Variants in TERB2 observed in about 807,000 individuals in gnomAD.
TERB2 encodes the protein telomere repeat binding bouquet formation protein 2.
A neutral mutation model predicts 29.8 loss-of-function variants in TERB2; 26 were observed. The observed-to-expected ratio is 0.87, with a 90% CI of 0.64 to 1.21. TERB2 has a LOEUF of 1.21. Among genes scored for constraint, TERB2 ranks in the 50% most tolerant of loss-of-function variants. The probability of loss-of-function intolerance (pLI) is 0.00; values close to 1 mark genes in which losing one functional copy is unlikely to be tolerated. For synonymous variants in TERB2, 80 were observed against 90.8 expected (o/e 0.88, Z 0.68); for missense variants, 240 against 268.6 (o/e 0.89, Z 0.74).
chr15:44,978,395 T>C (rs1892075169), intron 6 of TERB2, 94 bp from the exon 7 acceptor site: 1 of 1,340,764 alleles, frequency 7.5e-7, no homozygotes, highest in Admixed American at 2.9e-5. Flanking sequence ...AAACATTCTT[T>C]AGAAGTCTTA....
chr15:44,972,586 G>A (rs554447055), intron 5 of TERB2, among the ~76,000 whole-genome samples: 9 of 149,770 alleles, frequency 6.0e-5, no homozygotes, highest in Middle Eastern at 3.5e-3. Flanking sequence ...CGCCATCTCA[G>A]CTCACTGCAA....
chr15:44,979,060 G>A lies in TERB2; in HGVS notation c.*432G>A, dbSNP rs962362254. On this transcript the variant is annotated 3_prime_UTR_variant, in exon 7 of 7. Coordinates refer to ENST00000340827, the MANE Select transcript of TERB2 (RefSeq NM_152448.3). ...TTTTTCTAGATTGAATACTGTGAATGCTAAGTTTTATTAATCTGGTCATCT... is the reference window on the plus strand; with the variant it reads ...TTTTTCTAGATTGAATACTGTGAATACTAAGTTTTATTAATCTGGTCATCT... 3.3e-5 allele frequency: 5 copies of A among 152,008 alleles called. No homozygotes were observed. Among genetic ancestry groups the A allele is most frequent in the African/African-American group, 1.2e-4 (5 of 41,376 alleles). 9.4% of individuals were successfully genotyped at this position (152,008 alleles called of 1,614,324 possible).
Position 44,978,688 on chromosome 15 carries a change from T to C in TERB2, c.*60T>C. ...CTATAAAATATTATACAGATGTGCA[T>C]ATCATAAAATGCTCCCTTTTGGTAC... On this transcript the variant is annotated 3_prime_UTR_variant, in exon 7 of 7. Coordinates refer to ENST00000340827, the MANE Select transcript of TERB2 (RefSeq NM_152448.3). 7.1e-7 allele frequency: 1 copy of C among 1,405,778 alleles called. No individual in the cohort carries two copies. The highest frequency in any genetic ancestry group is 9.3e-7 in the Non-Finnish European group (1 of 1,070,860). The allele number at this position is 1,405,778 out of a possible 1,614,324, so 87.1% of individuals were successfully genotyped here.
rs940997392 is a variant in TERB2, at chr15:44,970,896, T to C, written c.435-2971T>C. 3 of 154,336 alleles carry C rather than the reference T, an allele frequency of 1.9e-5. No individual in the cohort carries two copies. In the Admixed American group the frequency reaches 2.0e-4, roughly 10 times the overall value. 9.6% of individuals were successfully genotyped at this position (154,336 alleles called of 1,614,324 possible). On this transcript the variant is annotated intron_variant, in intron 5 of 6. Coordinates refer to ENST00000340827, the MANE Select transcript of TERB2 (RefSeq NM_152448.3). ...TCATCTCTCAATGCAAATCTTTCAATATACAGAATAGGCCTTATTTACTTG... is the reference window on the plus strand; with the variant it reads ...TCATCTCTCAATGCAAATCTTTCAACATACAGAATAGGCCTTATTTACTTG...
chr15:44,956,701 C>A lies in TERB2; in HGVS notation c.-18C>A, dbSNP rs756718010. 2 of 1,591,794 alleles carry A rather than the reference C, an allele frequency of 1.3e-6. No individual in the cohort carries two copies. Among genetic ancestry groups the A allele is most frequent in the Non-Finnish European group, 1.7e-6 (2 of 1,170,214 alleles). Reference sequence around the variant, plus strand: ...TCTGCGGCCTCCTCTCTCACATCTCCACAGGCTTGGCGACGCCATGTTTCA... The same window carrying A: ...TCTGCGGCCTCCTCTCTCACATCTCAACAGGCTTGGCGACGCCATGTTTCA... On this transcript the variant is annotated 5_prime_UTR_variant, in exon 1 of 7. Coordinates refer to ENST00000340827, the MANE Select transcript of TERB2 (RefSeq NM_152448.3).
At chr15:44,960,070 C>G (rs56227588) in intron 3 of TERB2, among the ~76,000 whole-genome samples, 2,218 of 152,202 alleles carry the variant, frequency 0.015, 67 homozygotes, top group African/African-American at 0.051. Context: ...AGTGAATACC[C>G]ACCTTCAAGG....
intron 2 of TERB2, among the ~76,000 whole-genome samples, chr15:44,957,443 C>T (rs749419667): frequency 1.1e-4 from 16 of 152,064 alleles, no homozygotes; most frequent in Non-Finnish European, 1.8e-4. Flanking sequence ...TCTACACCCG[C>T]ATGTAGCGCC....
intron 6 of TERB2, among the ~76,000 whole-genome samples, chr15:44,975,481 T>C (rs551901980): frequency 7.0e-4 from 106 of 152,246 alleles, no homozygotes; most frequent in African/African-American, 2.5e-3. Flanking sequence ...ATGGGTTGGG[T>C]TCAACACATT....
chr15:44,972,573 T>C (rs1459557154), intron 5 of TERB2, among the ~76,000 whole-genome samples: 1 of 150,746 alleles, frequency 6.6e-6, no homozygotes, highest in African/African-American at 2.4e-5. Context: ...AGAGTTCCAG[T>C]GGCGCCATCT....
chr15:44,974,586 C>T (rs1489948318), intron 6 of TERB2, among the ~76,000 whole-genome samples: 1 of 152,014 alleles, frequency 6.6e-6, no homozygotes, highest in East Asian at 1.9e-4. Flanking sequence ...GAGGGTAGAA[C>T]CAAGGGAACC....
At chr15:44,974,716 A>T (rs112603124) in intron 6 of TERB2, among the ~76,000 whole-genome samples, 2,546 of 152,290 alleles carry the variant, frequency 0.017, 22 homozygotes, top group Middle Eastern at 0.031. Flanking sequence ...AGATTTTTTT[A>T]AAAAATTGCT....
At chr15:44,977,565 A>G (rs2412925) in intron 6 of TERB2, among the ~76,000 whole-genome samples, 16 of 152,118 alleles carry the variant, frequency 1.1e-4, no homozygotes, top group South Asian at 6.3e-4. Context: ...TAGTGCTTCA[A>G]GAGCTCCTAA....
intron 2 of TERB2, 150 bp from the exon 3 acceptor site, chr15:44,958,223 T>C (rs1891749546): frequency 3.3e-6 from 3 of 909,012 alleles, no homozygotes; most frequent in Non-Finnish European, 4.7e-6. Context: ...TTATGCCATA[T>C]GTTTTTCCTT....
intron 3 of TERB2, among the ~76,000 whole-genome samples, chr15:44,960,561 T>C (rs1891784925): frequency 2.6e-5 from 4 of 152,144 alleles, no homozygotes; most frequent in Admixed American, 2.6e-4. Flanking sequence ...TTTAGAAATA[T>C]ATTTTATTTA....
intron 5 of TERB2, among the ~76,000 whole-genome samples, chr15:44,969,261 G>A (rs778295989): frequency 5.3e-5 from 8 of 151,958 alleles, no homozygotes; most frequent in Non-Finnish European, 1.0e-4. Context: ...GTACCACCCC[G>A]TCTAGCCAAT....
chr15:44,964,107 C>T (rs1938745579), intron 4 of TERB2, among the ~76,000 whole-genome samples: 2 of 152,142 alleles, frequency 1.3e-5, no homozygotes, highest in South Asian at 4.2e-4. Flanking sequence ...CTGTGCCTGG[C>T]CTATTGTACT....
At chr15:44,963,727 A>G (rs1018957722) in intron 4 of TERB2, among the ~76,000 whole-genome samples, 3 of 150,554 alleles carry the variant, frequency 2.0e-5, no homozygotes, top group African/African-American at 7.5e-5. Context: ...AAAAAGAGAG[A>G]GGAGGCACTC....
Position 44,966,561 on chromosome 15 carries a change from G to T in TERB2, c.434+318G>T, listed in dbSNP as rs1595477088. Among the ~76,000 whole-genome samples, 2 of 152,216 alleles carry T rather than the reference G, an allele frequency of 1.3e-5. 1 individual carries two copies. The highest frequency in any genetic ancestry group is 1.3e-4 in the Admixed American group (2 of 15,288). ...ATCTCATAGTATAGCACACTATACT[G>T]TCTCTGCAGAAAGGAGACAAGGATT... On this transcript the variant is annotated intron_variant, in intron 5 of 6. Transcript: ENST00000340827.
intron 5 of TERB2, among the ~76,000 whole-genome samples, chr15:44,968,955 G>A (rs1201029052): frequency 1.3e-5 from 2 of 151,752 alleles, no homozygotes. Flanking sequence ...AGAGAGACAG[G>A]ATCTTGCTGT....
Sources: allele counts gnomAD v4.1 joint callset (sites outside exome capture counted in the v4.1 genomes callset), GRCh38; gene constraint gnomAD v4.1.1; transcripts MANE v1.5; gene names NCBI Gene and HGNC (gene_info 2026-07-23, HGNC 2026-07-21).